Variants in POFUT2 observed in about 807,000 individuals in gnomAD.
POFUT2 encodes GDP-fucose protein O-fucosyltransferase 2.
A neutral mutation model predicts 55.0 loss-of-function variants in POFUT2; 30 were observed. The observed-to-expected ratio is 0.55, with a 90% CI of 0.41 to 0.74. The LOEUF is 0.74. POFUT2 is among the 30% of genes least tolerant of loss of function. The probability of loss-of-function intolerance (pLI) is 0.00; values close to 1 mark genes in which losing one functional copy is unlikely to be tolerated. For missense variants in POFUT2, 524 were observed against 562.6 expected (o/e 0.93, Z 0.69); for synonymous variants, 267 against 231.1 (o/e 1.16, Z -1.41).
chr21:45,287,259 G>A (rs909009130), intron 1 of POFUT2, among the ~76,000 whole-genome samples: 8 of 91,668 alleles, frequency 8.7e-5, no homozygotes, highest in African/African-American at 3.4e-4. Flanking sequence ...CCCGGCTCCC[G>A]CCCCGCCCCC....
chr21:45,285,833 G>C lies in POFUT2; in HGVS notation c.227C>G (p.Thr76Arg). Residue 76 changes from threonine (T) to arginine (R), a missense_variant, in exon 2 of 9, where the codon ACG becomes AGG. Thr to Arg is a moderately conservative substitution (Grantham distance 71). Transcript: ENST00000349485. The surrounding 1 kb of genome is among the most constrained non-coding windows in gnomAD (Gnocchi z 4.9). ...IASLLKTLLK[T>R]EEWVLVLPPW... is the part of the protein sequence containing the mutation. ...AGGCAGGACAAGCACCCACTCCTCC[G>C]TCTTCAGCAGAGTCTTCAGGAGAGA... 5 of 1,613,412 alleles carry C rather than the reference G, an allele frequency of 3.1e-6. No homozygotes were observed. Among genetic ancestry groups the C allele is most frequent in the Non-Finnish European group, 4.2e-6 (5 of 1,179,974 alleles).
Position 45,282,930 on chromosome 21 carries a change from C to A in POFUT2, c.527+453G>T. 2.1e-6 allele frequency: 1 copy of A among 473,392 alleles called. No individual in the cohort carries two copies. The highest frequency in any genetic ancestry group is 3.2e-4 in the Middle Eastern group (1 of 3,078). The allele number at this position is 473,392 out of a possible 1,614,324, so 29.3% of individuals were successfully genotyped here. A position where few individuals can be genotyped will look rare whatever the true frequency, so the allele number is the denominator to read the frequency against. On this transcript the variant is annotated intron_variant, in intron 3 of 8. Transcript: ENST00000349485. The surrounding 1 kb of genome is among the most constrained non-coding windows in gnomAD (Gnocchi z 4.6). ...CAATCGACACTTGGGACTGACAAGACCTCCATCCCTGTGGCAACATCCAAA... is the reference window on the plus strand; with the variant it reads ...CAATCGACACTTGGGACTGACAAGAACTCCATCCCTGTGGCAACATCCAAA...
intron 6 of POFUT2, among the ~76,000 whole-genome samples, chr21:45,273,580 A>T (rs1198430870): frequency 1.3e-5 from 2 of 152,216 alleles, no homozygotes. Context: ...ATACTAGCTA[A>T]CCGAATCCAA....
Position 45,282,365 on chromosome 21 carries a change from T to G in POFUT2, c.622A>C (p.Arg208=). The change falls in exon 4 of 9, where the codon AGA becomes CGA. Residue 208 remains arginine, a synonymous_variant. Transcript: ENST00000349485. The surrounding 1 kb of genome is among the most constrained non-coding windows in gnomAD (Gnocchi z 4.6). ...SASIVAPLLL[R]NTSARSVMLD... is the part of the protein sequence containing the mutation. ...GGCACTCACCGGGCTGATGTGTTTC[T>G]CAGCAGCAGGGGCGCCACGATGGAG... The G allele has an allele frequency of 6.2e-7, 1 of 1,612,134 alleles. No individual in the cohort carries two copies. Among genetic ancestry groups the G allele is most frequent in the Middle Eastern group, 1.7e-4 (1 of 6,058 alleles).
At chr21:45,286,050 G>C (rs971306805) in intron 1 of POFUT2, 122 bp from the exon 2 acceptor site, 2 of 808,024 alleles carry the variant, frequency 2.5e-6, no homozygotes, top group African/African-American at 1.7e-5. Context: ...TTCCTAGTTT[G>C]TGAAGGCAGT....
intron 4 of POFUT2, among the ~76,000 whole-genome samples, chr21:45,280,592 G>A (rs1329841746): frequency 6.6e-6 from 1 of 152,200 alleles, no homozygotes; most frequent in Non-Finnish European, 1.5e-5. Context: ...ACAGCAATGG[G>A]GGCACCTGCT....
chr21:45,282,682 T>C lies in POFUT2; in HGVS notation c.528-223A>G, dbSNP rs1485535413. ...TGGACCACTGAGGCTTTCCCCATGA[T>C]AGGGGCTGGCGGGATGGCCGGGGAG... On this transcript the variant is annotated intron_variant, in intron 3 of 8. Transcript: ENST00000349485. The surrounding 1 kb of genome is among the most constrained non-coding windows in gnomAD (Gnocchi z 4.6). 1.8e-6 allele frequency: 1 copy of C among 562,688 alleles called. No individual in the cohort carries two copies. The highest frequency in any genetic ancestry group is 3.3e-6 in the Non-Finnish European group (1 of 307,104). The allele number at this position is 562,688 out of a possible 1,614,324, so 34.9% of individuals were successfully genotyped here.
chr21:45,280,604 G>A (rs532141664), intron 4 of POFUT2, among the ~76,000 whole-genome samples: 21 of 152,296 alleles, frequency 1.4e-4, no homozygotes, highest in Admixed American at 1.1e-3. Flanking sequence ...GCACCTGCTC[G>A]CATTAACAGC....
rs1330974031 is a variant in POFUT2, at chr21:45,270,094, C to T, written c.832-75G>A. On this transcript the variant is annotated intron_variant, in intron 6 of 8. Transcript: ENST00000349485. The surrounding 1 kb of genome is among the most constrained non-coding windows in gnomAD (Gnocchi z 4.6). ...CTCATCCTGGGCACCGGGTGGGACT[C>T]GAGACGCAGAGGGATGACCCTTTCC... 6.4e-6 allele frequency: 8 copies of T among 1,252,434 alleles called. No homozygotes were observed. Among genetic ancestry groups the T allele is most frequent in the African/African-American group, 4.6e-5 (3 of 64,584 alleles). The allele number at this position is 1,252,434 out of a possible 1,614,324, so 77.6% of individuals were successfully genotyped here. A position where few individuals can be genotyped will look rare whatever the true frequency, so the allele number is the denominator to read the frequency against.
At position 45,284,326 on chromosome 21, in the gene POFUT2, T is replaced by C. The variant is rs533671926; in HGVS notation, c.383-799A>G. Among the ~76,000 whole-genome samples the C allele has an allele frequency of 1.3e-5, 2 of 152,308 alleles. No individual in the cohort carries two copies. The highest frequency in any genetic ancestry group is 4.8e-5 in the African/African-American group (2 of 41,564). ...ACTGGGGGCTAAGGGCTGCGTGGCCTAAGGGCCTGAGGCCACAGCTGCGGG... is the reference window on the plus strand; with the variant it reads ...ACTGGGGGCTAAGGGCTGCGTGGCCCAAGGGCCTGAGGCCACAGCTGCGGG... On this transcript the variant is annotated intron_variant, in intron 2 of 8. Transcript: ENST00000349485. This position sits in a 1 kb window ranked among gnomAD's most constrained non-coding sequence, Gnocchi z 5.8.
chr21:45,287,811 C>A lies in POFUT2; in HGVS notation c.61G>T (p.Ala21Ser). Residue 21 changes from alanine to serine, a missense_variant, in exon 1 of 9, where the codon GCC (alanine) becomes TCC (serine). Coordinates refer to ENST00000349485, the MANE Select transcript of POFUT2 (RefSeq NM_133635.6). ...CCGGGCCAGAACTCCTGGCCGGAGG[C>A]AGAAGCCGGAGGCCAGGACACTGCC... ...LGAVSWPPASASGQEFWPGQS... is the reference protein window; with the variant it reads ...LGAVSWPPASSSGQEFWPGQS... The A allele has an allele frequency of 6.6e-7, 1 of 1,507,952 alleles. No individual in the cohort carries two copies. Among genetic ancestry groups the A allele is most frequent in the Non-Finnish European group, 8.9e-7 (1 of 1,124,630 alleles). The allele number at this position is 1,507,952 out of a possible 1,614,324, so 93.4% of individuals were successfully genotyped here.
intron 2 of POFUT2, among the ~76,000 whole-genome samples, chr21:45,283,903 C>T (rs2031073327): frequency 6.6e-6 from 1 of 152,214 alleles, no homozygotes; most frequent in African/African-American, 2.4e-5. Context: ...TCTGTGAGGC[C>T]ACTGTCCCCT....
At chr21:45,268,657 C>T (rs576832717) in intron 7 of POFUT2, among the ~76,000 whole-genome samples, 13 of 150,042 alleles carry the variant, frequency 8.7e-5, no homozygotes, top group Admixed American at 4.6e-4. Flanking sequence ...ATGTGAGGAG[C>T]GCCTCTGCCT....
chr21:45,280,928 A>G (rs1191798414), intron 4 of POFUT2, among the ~76,000 whole-genome samples: 2 of 152,236 alleles, frequency 1.3e-5, no homozygotes, highest in African/African-American at 4.8e-5. Flanking sequence ...CTAATGGACA[A>G]AAGTTCTTGA....
chr21:45,275,216 A>G (rs938395449), intron 6 of POFUT2, among the ~76,000 whole-genome samples: 42 of 152,224 alleles, frequency 2.8e-4, no homozygotes, highest in African/African-American at 8.7e-4. Flanking sequence ...GAAAACCACA[A>G]CAGGATACTA....
At chr21:45,278,287 G>C (rs569191917) in intron 4 of POFUT2, 118 bp from the exon 5 acceptor site, 6 of 888,570 alleles carry the variant, frequency 6.8e-6, no homozygotes, top group Admixed American at 5.3e-5. Flanking sequence ...AAGTCTCCGA[G>C]GGACACTAAC....
chr21:45,287,149 CCCCCAGCCCCCG>C (rs2031507402), intron 1 of POFUT2, among the ~76,000 whole-genome samples: 1 of 139,162 alleles, frequency 7.2e-6, no homozygotes, highest in African/African-American at 2.6e-5. Flanking sequence ...CCCGACCCTG[CCCCCAGCCCCCG>C]CCCCATCCCA....
chr21:45,283,487 T>C lies in POFUT2; in HGVS notation c.423A>G (p.Gln141=), dbSNP rs376418991. 30 of 1,613,878 alleles carry C rather than the reference T, an allele frequency of 1.9e-5. No individual in the cohort carries two copies. In the East Asian group the frequency reaches 3.8e-4, roughly 20 times the overall value. The change falls in exon 3 of 9, where the codon CAA becomes CAG. Residue 141 remains glutamine (Q), a synonymous_variant. Coordinates refer to ENST00000349485, the MANE Select transcript of POFUT2 (RefSeq NM_133635.6). Reference sequence around the variant, plus strand: ...CTTCTTTCCACCCCTCTGCGTAACTTTGCAGGACGTAAACCTGGTCAATAA... The same window carrying C: ...CTTCTTTCCACCCCTCTGCGTAACTCTGCAGGACGTAAACCTGGTCAATAA... ...GPFIDQVYVL[Q]SYAEGWKEGT...
chr21:45,283,844 G>A (rs552196698), intron 2 of POFUT2, among the ~76,000 whole-genome samples: 1 of 152,136 alleles, frequency 6.6e-6, no homozygotes, highest in Non-Finnish European at 1.5e-5. Flanking sequence ...CCGTGGTCCA[G>A]GCTGTTCCCT....
Sources: allele counts gnomAD v4.1 joint callset (sites outside exome capture counted in the v4.1 genomes callset), GRCh38; gene constraint gnomAD v4.1.1; non-coding constraint Gnocchi (gnomAD v3.1); transcripts MANE v1.5; gene names NCBI Gene and HGNC (gene_info 2026-07-23, HGNC 2026-07-21).